The following TACR3 variants were observed in gnomAD, a reference collection of about 807,000 sequenced individuals.
The protein encoded by TACR3 is neuromedin-K receptor.
A neutral mutation model predicts 35.0 loss-of-function variants in TACR3; 34 were observed. The ratio of observed to expected loss-of-function variants is 0.97; its 90% CI spans 0.74 to 1.30. The LOEUF (loss-of-function observed/expected upper bound fraction) is 1.30. Ranked by LOEUF, TACR3 falls within the 50% of genes most tolerant of loss-of-function variation. The probability of loss-of-function intolerance (pLI) is 0.00; values close to 1 mark genes in which losing one functional copy is unlikely to be tolerated. For synonymous variants in TACR3, 233 were observed against 221.1 expected, an observed-to-expected ratio of 1.05 and a Z score of -0.48; for missense variants, 558 against 591.7, an observed-to-expected ratio of 0.94 and a Z score of 0.59.
At chr4:103,600,724 A>C (rs1724176557) in intron 3 of TACR3, among the ~76,000 whole-genome samples, 1 of 152,192 alleles carries the variant, frequency 6.6e-6, no homozygotes, top group African/African-American at 2.4e-5. Flanking sequence ...TTTACCCAGT[A>C]GTCATTCAGG....
intron 3 of TACR3, among the ~76,000 whole-genome samples, chr4:103,612,312 G>T (rs1001708346): frequency 1.3e-5 from 2 of 151,966 alleles, no homozygotes; most frequent in Non-Finnish European, 2.9e-5. Flanking sequence ...TGCTTTATTT[G>T]TTCTTATTGA....
chr4:103,634,416 T>C (rs2110314232), intron 3 of TACR3, among the ~76,000 whole-genome samples: 1 of 152,222 alleles, frequency 6.6e-6, no homozygotes, highest in South Asian at 2.1e-4. Context: ...AAGAGAAATG[T>C]GTGCTCATGA....
At chr4:103,592,798 C>T (rs1723923190) in intron 3 of TACR3, among the ~76,000 whole-genome samples, 1 of 152,136 alleles carries the variant, frequency 6.6e-6, no homozygotes, top group Non-Finnish European at 1.5e-5. Flanking sequence ...ATTAGGGATT[C>T]AGATGAAGGT....
intron 1 of TACR3, among the ~76,000 whole-genome samples, chr4:103,695,256 C>A (rs879728325): frequency 1.3e-5 from 2 of 152,060 alleles, no homozygotes; most frequent in Admixed American, 6.6e-5. Flanking sequence ...TCCACTTATA[C>A]GCGGATTGTT....
chr4:103,639,366 T>G (rs1725291151), intron 3 of TACR3, among the ~76,000 whole-genome samples: 1 of 151,990 alleles, frequency 6.6e-6, no homozygotes, highest in South Asian at 2.1e-4. Context: ...CTGCATGTTC[T>G]CACTCATAGG....
chr4:103,695,080 T>C (rs1481391660), intron 1 of TACR3, among the ~76,000 whole-genome samples: 2 of 152,204 alleles, frequency 1.3e-5, no homozygotes, highest in Admixed American at 6.5e-5. Flanking sequence ...AGAAAACTTT[T>C]AGACAATTAA....
chr4:103,600,063 C>A (rs904762027), intron 3 of TACR3, among the ~76,000 whole-genome samples: 2 of 152,006 alleles, frequency 1.3e-5, no homozygotes, highest in Non-Finnish European at 2.9e-5. Context: ...TGGTAGAATT[C>A]GGCTGTGAAT....
chr4:103,639,002 C>A (rs892955234), intron 3 of TACR3, among the ~76,000 whole-genome samples: 1 of 152,104 alleles, frequency 6.6e-6, no homozygotes, highest in Non-Finnish European at 1.5e-5. Flanking sequence ...GGACTGTAAA[C>A]TAGTTCAACC....
chr4:103,680,321 C>G (rs141024778), intron 1 of TACR3, among the ~76,000 whole-genome samples: 70 of 151,342 alleles, frequency 4.6e-4, no homozygotes, highest in Middle Eastern at 3.4e-3. Flanking sequence ...AATTTTTATT[C>G]TATTGAGATA....
chr4:103,689,391 A>G (rs562477213), intron 1 of TACR3, among the ~76,000 whole-genome samples: 141 of 152,254 alleles, frequency 9.3e-4, no homozygotes, highest in Non-Finnish European at 1.6e-3. Context: ...CCTAAAACTT[A>G]AAGTATAATA....
intron 3 of TACR3, among the ~76,000 whole-genome samples, chr4:103,642,995 G>T (rs1192504294): frequency 1.3e-5 from 2 of 151,686 alleles, no homozygotes; most frequent in African/African-American, 4.8e-5. Context: ...TTCTATGTTT[G>T]TTAAAATTAA....
intron 2 of TACR3, 75 bp downstream of exon 2, chr4:103,658,136 TTTAA>T: frequency 7.2e-7 from 1 of 1,394,234 alleles, no homozygotes; most frequent in South Asian, 1.2e-5. Flanking sequence ...GTCAGTCTTA[TTTAA>T]TTGTTGCTCC....
At position 103,658,373 on chromosome 4, in the gene TACR3, G is replaced by A. The variant is rs62340657; in HGVS notation, c.579C>T (p.Pro193=). 4,121 of 1,613,736 alleles carry A rather than the reference G, an allele frequency of 2.6e-3. 7 individuals carry two copies. The highest frequency in any genetic ancestry group is 3.2e-3 in the Non-Finnish European group (3,717 of 1,179,886). The change falls in exon 2 of 5, where the codon CCC becomes CCT. Residue 193 remains proline (P), a synonymous_variant. Transcript: ENST00000304883. ...TCTTGGTTGCTGTAGCAGACAGTCT[G>A]GGTTTCAAGGGATCAATAATAGCCA... The part of the protein sequence containing the change: ...RYMAIIDPLK[P]RLSATATKIV...
At chr4:103,684,038 T>C (rs1218713075) in intron 1 of TACR3, among the ~76,000 whole-genome samples, 1 of 152,138 alleles carries the variant, frequency 6.6e-6, no homozygotes, top group Non-Finnish European at 1.5e-5. Flanking sequence ...GTCAATTTAA[T>C]ATAAACTCTC....
intron 1 of TACR3, among the ~76,000 whole-genome samples, chr4:103,711,729 G>A (rs1269743684): frequency 2.0e-5 from 3 of 152,278 alleles, no homozygotes; most frequent in South Asian, 2.1e-4. Context: ...TGACATGATT[G>A]TATATCTAGA....
chr4:103,610,433 A>G (rs747940069), intron 3 of TACR3, among the ~76,000 whole-genome samples: 1 of 152,014 alleles, frequency 6.6e-6, no homozygotes, highest in Non-Finnish European at 1.5e-5. Context: ...CTTTTGGGAA[A>G]TGTCTACTCA....
chr4:103,714,198 G>A (rs1453442084), intron 1 of TACR3, among the ~76,000 whole-genome samples: 1 of 151,888 alleles, frequency 6.6e-6, no homozygotes, highest in Non-Finnish European at 1.5e-5. Flanking sequence ...TTTTATGCCT[G>A]TTAAATATGC....
At chr4:103,592,001 G>A (rs1052762351) in intron 3 of TACR3, among the ~76,000 whole-genome samples, 10 of 152,284 alleles carry the variant, frequency 6.6e-5, no homozygotes, top group African/African-American at 2.2e-4. Context: ...GAGAGAGATA[G>A]GAACTAGGAT....
At chr4:103,686,426 A>G (rs1722241774) in intron 1 of TACR3, among the ~76,000 whole-genome samples, 2 of 152,162 alleles carry the variant, frequency 1.3e-5, no homozygotes, top group African/African-American at 4.8e-5. Context: ...AAAAATAAAC[A>G]CAAGAAAAAA....
Sources: gnomAD v4.1 joint callset for allele counts (sites outside exome capture counted in the v4.1 genomes callset) on GRCh38, gnomAD v4.1.1 for gene constraint, MANE v1.5 for transcripts, NCBI Gene and HGNC (gene_info 2026-07-23, HGNC 2026-07-21) for gene names.